DSCAM: variants seen among roughly 807,000 people sequenced by gnomAD.
The protein encoded by DSCAM is cell adhesion molecule DSCAM.
In DSCAM, 47 loss-of-function variants were observed where a neutral mutation model predicts 217.7. The observed-to-expected ratio is 0.22, with a 90% CI of 0.17 to 0.28. The LOEUF is 0.28. DSCAM is among the 10% of genes least tolerant of loss of function. The pLI, the probability that DSCAM is intolerant of heterozygous loss-of-function variation, is 1.00. For missense variants in DSCAM, 2,080 were observed against 2,618.3 expected (o/e 0.79, Z 4.49); for synonymous variants, 1,056 against 1,015.3 (o/e 1.04, Z -0.76).
At chr21:40,534,326 A>C (rs955541923) in intron 3 of DSCAM, among the ~76,000 whole-genome samples, 2 of 152,224 alleles carry the variant, frequency 1.3e-5, no homozygotes, top group African/African-American at 4.8e-5. Context: ...GATATTAATT[A>C]TTTCAAGTAG....
At chr21:40,094,910 CACAA>C (rs926751228) in intron 20 of DSCAM, among the ~76,000 whole-genome samples, 14 of 152,034 alleles carry the variant, frequency 9.2e-5, no homozygotes, top group African/African-American at 3.1e-4. Context: ...AAAATATTTC[CACAA>C]ACAAATAGCC....
chr21:40,125,195 C>T (rs545659850), intron 19 of DSCAM, among the ~76,000 whole-genome samples: 11 of 152,266 alleles, frequency 7.2e-5, no homozygotes, highest in Middle Eastern at 3.4e-3. Context: ...TGTAAACCAG[C>T]TAAGAAGGCA....
At chr21:40,126,170 G>C (rs2090091238) in intron 19 of DSCAM, among the ~76,000 whole-genome samples, 1 of 151,466 alleles carries the variant, frequency 6.6e-6, no homozygotes, top group Non-Finnish European at 1.5e-5. Context: ...CTTCCTTAGA[G>C]GTAAGTTAGA....
At chr21:40,311,748 C>T (rs891304849) in intron 9 of DSCAM, among the ~76,000 whole-genome samples, 1 of 151,940 alleles carries the variant, frequency 6.6e-6, no homozygotes, top group East Asian at 1.9e-4. Context: ...TATATGAATA[C>T]AATAAAGCAA....
chr21:40,503,693 C>T (rs755324098), intron 3 of DSCAM, among the ~76,000 whole-genome samples: 13 of 152,174 alleles, frequency 8.5e-5, no homozygotes, highest in African/African-American at 1.2e-4. Context: ...CATTAACATT[C>T]GTCTCTTTAA....
intron 3 of DSCAM, among the ~76,000 whole-genome samples, chr21:40,492,765 A>G (rs1334013366): frequency 6.6e-6 from 1 of 152,190 alleles, no homozygotes; most frequent in Admixed American, 6.5e-5. Context: ...TCTTTGCATT[A>G]CAGGAGTTTG....
chr21:40,190,856 C>T (rs2090946053), intron 11 of DSCAM, among the ~76,000 whole-genome samples: 4 of 152,276 alleles, frequency 2.6e-5, no homozygotes, highest in South Asian at 4.1e-4. Context: ...TCAGATGATA[C>T]AGTTGTCAGA....
intron 3 of DSCAM, among the ~76,000 whole-genome samples, chr21:40,523,030 TTTTG>T (rs1265158447): frequency 6.6e-6 from 1 of 152,218 alleles, no homozygotes; most frequent in Non-Finnish European, 1.5e-5. Context: ...TATTTATTAA[TTTTG>T]TTGACCTTGG....
At chr21:40,690,253 G>C (rs948369511) in intron 3 of DSCAM, among the ~76,000 whole-genome samples, 1 of 152,206 alleles carries the variant, frequency 6.6e-6, no homozygotes, top group Admixed American at 6.5e-5. Flanking sequence ...CTGTAGCAGT[G>C]AGCAACAGAA....
In DSCAM at chr21:40,166,395, C is replaced by T. The variant is rs543555388; in HGVS notation, c.3018+823G>A. ...TTCGATAATAACGTTCTGGATGAAACGGAATTTGGCCTAAGACAGAGCCAT... is the reference window on the plus strand; with the variant it reads ...TTCGATAATAACGTTCTGGATGAAATGGAATTTGGCCTAAGACAGAGCCAT... On this transcript the variant is annotated intron_variant, in intron 16 of 32. Transcript: ENST00000400454. Among the ~76,000 whole-genome samples, 11 of 152,234 alleles carry T rather than the reference C, an allele frequency of 7.2e-5. No homozygotes were observed. In the East Asian group the frequency reaches 1.7e-3, roughly 24 times the overall value.
At chr21:40,574,066 C>G (rs2076829807) in intron 3 of DSCAM, among the ~76,000 whole-genome samples, 1 of 149,588 alleles carries the variant, frequency 6.7e-6, no homozygotes, top group Non-Finnish European at 1.5e-5. Context: ...AGGCGTAATA[C>G]CAATTACCAA....
At chr21:40,335,061 G>A (rs1050291195) in intron 8 of DSCAM, among the ~76,000 whole-genome samples, 4 of 152,002 alleles carry the variant, frequency 2.6e-5, no homozygotes, top group African/African-American at 4.8e-5. Flanking sequence ...TCTAGACACC[G>A]TGGTTGTATC....
At chr21:40,045,979 A>G (rs558248974) in intron 30 of DSCAM, among the ~76,000 whole-genome samples, 37 of 152,338 alleles carry the variant, frequency 2.4e-4, no homozygotes, top group African/African-American at 8.4e-4. Context: ...TATGAAGGCA[A>G]TGGAAGCTCA....
At chr21:40,572,941 T>C (rs1262859206) in intron 3 of DSCAM, among the ~76,000 whole-genome samples, 1 of 152,166 alleles carries the variant, frequency 6.6e-6, no homozygotes, top group Admixed American at 6.5e-5. Flanking sequence ...ACTCAACAAC[T>C]ATACACTACA....
intron 3 of DSCAM, among the ~76,000 whole-genome samples, chr21:40,465,672 A>G (rs1053257688): frequency 6.6e-6 from 1 of 152,182 alleles, no homozygotes; most frequent in Non-Finnish European, 1.5e-5. Context: ...ATTTTAGTTC[A>G]TCAGCTATCA....
intron 2 of DSCAM, among the ~76,000 whole-genome samples, chr21:40,695,599 A>T (rs1466583731): frequency 6.6e-6 from 1 of 151,894 alleles, no homozygotes; most frequent in Non-Finnish European, 1.5e-5. Context: ...AAAACTGCAC[A>T]CTCCCCATCC....
chr21:40,045,345 T>C (rs2088826922), intron 30 of DSCAM, among the ~76,000 whole-genome samples: 1 of 152,360 alleles, frequency 6.6e-6, no homozygotes, highest in Middle Eastern at 3.4e-3. Flanking sequence ...ATCTCTTCAA[T>C]AGAATTGTCC....
intron 3 of DSCAM, among the ~76,000 whole-genome samples, chr21:40,580,715 T>C (rs1022006580): frequency 1.3e-5 from 2 of 152,176 alleles, no homozygotes; most frequent in Admixed American, 1.3e-4. Context: ...GCGGGTGGGC[T>C]GGAAGACAAT....
At chr21:40,404,515 G>A (rs1352255131) in intron 3 of DSCAM, among the ~76,000 whole-genome samples, 1 of 152,218 alleles carries the variant, frequency 6.6e-6, no homozygotes, top group Non-Finnish European at 1.5e-5. Flanking sequence ...CTTTAATACA[G>A]CACAAGTCCC....
Sources: gnomAD v4.1 joint callset for allele counts (sites outside exome capture counted in the v4.1 genomes callset) on GRCh38, gnomAD v4.1.1 for gene constraint, MANE v1.5 for transcripts, NCBI Gene and HGNC (gene_info 2026-07-23, HGNC 2026-07-21) for gene names.